The following FARS2 variants were observed in gnomAD, a reference collection of about 807,000 sequenced individuals.
FARS2 encodes the protein phenylalanyl-tRNA synthetase 2, mitochondrial.
A neutral mutation model predicts 46.4 loss-of-function variants in FARS2; 40 were observed. That is an observed-to-expected ratio of 0.86 (90% CI 0.67 to 1.12). The LOEUF (loss-of-function observed/expected upper bound fraction) is 1.12, where lower values mean the gene tolerates loss of function less well. Ranked by LOEUF, FARS2 falls within the 50% of genes most tolerant of loss-of-function variation. The pLI is 0.00. For missense variants in FARS2, 513 were observed against 567.9 expected (o/e 0.90, Z 0.98); for synonymous variants, 234 against 214.9 (o/e 1.09, Z -0.78).
At chr6:5,352,950 G>A (rs754995763) in intron 1 of FARS2, among the ~76,000 whole-genome samples, 6 of 152,178 alleles carry the variant, frequency 3.9e-5, no homozygotes, top group Non-Finnish European at 8.8e-5. Context: ...TAGATATTTT[G>A]AAATTATATC....
chr6:5,618,864 G>T (rs1185805199), intron 6 of FARS2, among the ~76,000 whole-genome samples: 1 of 152,178 alleles, frequency 6.6e-6, no homozygotes, highest in Non-Finnish European at 1.5e-5. Flanking sequence ...TTGGAATATG[G>T]TACTATATGA....
intron 1 of FARS2, among the ~76,000 whole-genome samples, chr6:5,274,697 G>T (rs1026525397): frequency 6.6e-6 from 1 of 152,038 alleles, no homozygotes; most frequent in Admixed American, 6.6e-5. Context: ...TAGTCTTTCT[G>T]TTTTATGCAG....
At chr6:5,454,333 T>C (rs1419289999) in intron 4 of FARS2, among the ~76,000 whole-genome samples, 1 of 152,068 alleles carries the variant, frequency 6.6e-6, no homozygotes, top group Non-Finnish European at 1.5e-5. Flanking sequence ...CACTTGTTTT[T>C]TTAAAATTTA....
At chr6:5,373,048 T>A (rs1759155237) in intron 2 of FARS2, among the ~76,000 whole-genome samples, 1 of 152,072 alleles carries the variant, frequency 6.6e-6, no homozygotes, top group South Asian at 2.1e-4. Context: ...AGGTGACAAG[T>A]TCTCCCTAAA....
chr6:5,286,322 G>A (rs1267896956), intron 1 of FARS2, among the ~76,000 whole-genome samples: 1 of 152,146 alleles, frequency 6.6e-6, no homozygotes. Flanking sequence ...GAGTGCAGGG[G>A]TGTGATCTTG....
intron 4 of FARS2, among the ~76,000 whole-genome samples, chr6:5,498,441 G>A (rs1164330217): frequency 6.6e-6 from 1 of 152,180 alleles, no homozygotes; most frequent in Admixed American, 6.5e-5. Flanking sequence ...GTCTGATGGA[G>A]CTTATTTTAC....
chr6:5,541,125 T>A (rs1204491857), intron 4 of FARS2, among the ~76,000 whole-genome samples: 1 of 152,208 alleles, frequency 6.6e-6, no homozygotes, highest in Non-Finnish European at 1.5e-5. Flanking sequence ...AATATATATG[T>A]AAGCTATATT....
intron 1 of FARS2, among the ~76,000 whole-genome samples, chr6:5,300,053 T>C (rs1043548796): frequency 3.9e-5 from 6 of 152,236 alleles, no homozygotes; most frequent in African/African-American, 1.4e-4. Context: ...AAAAATGTTT[T>C]CATTTTTTGT....
intron 4 of FARS2, among the ~76,000 whole-genome samples, chr6:5,460,286 C>T (rs1765171247): frequency 6.6e-6 from 1 of 152,122 alleles, no homozygotes; most frequent in Admixed American, 6.5e-5. Flanking sequence ...GATGTCTGTC[C>T]CAGAGCCTCT....
At chr6:5,275,697 A>G (rs1009934907) in intron 1 of FARS2, among the ~76,000 whole-genome samples, 8 of 152,212 alleles carry the variant, frequency 5.3e-5, no homozygotes, top group Middle Eastern at 3.4e-3. Context: ...TGTTTGGATT[A>G]TATTGCTCCC....
At chr6:5,327,549 T>A (rs1221881389) in intron 1 of FARS2, among the ~76,000 whole-genome samples, 2 of 152,172 alleles carry the variant, frequency 1.3e-5, no homozygotes, top group Non-Finnish European at 2.9e-5. Context: ...CTGCACACAC[T>A]CTCTTGCCTG....
chr6:5,508,568 C>A (rs1381796677), intron 4 of FARS2, among the ~76,000 whole-genome samples: 1 of 152,112 alleles, frequency 6.6e-6, no homozygotes, highest in Non-Finnish European at 1.5e-5. Flanking sequence ...TGAAGCCCTC[C>A]CAGCAGTGGA....
intron 5 of FARS2, among the ~76,000 whole-genome samples, chr6:5,589,518 C>T (rs547071804): frequency 1.3e-5 from 2 of 152,346 alleles, no homozygotes; most frequent in South Asian, 2.1e-4. Context: ...CCTGCAGCTT[C>T]GCTTTGGCAG....
At chr6:5,660,312 T>G (rs2150779251) in intron 6 of FARS2, among the ~76,000 whole-genome samples, 1 of 152,114 alleles carries the variant, frequency 6.6e-6, no homozygotes, top group East Asian at 1.9e-4. Context: ...TAGATGTGAG[T>G]GACAGCTGAA....
intron 5 of FARS2, among the ~76,000 whole-genome samples, chr6:5,547,477 G>T (rs1771106275): frequency 6.6e-6 from 1 of 151,854 alleles, no homozygotes; most frequent in Non-Finnish European, 1.5e-5. Flanking sequence ...CTGCTAAGGT[G>T]ACTAGGCCAG....
chr6:5,431,437 G>A (rs1482897845), intron 4 of FARS2, among the ~76,000 whole-genome samples: 1 of 152,128 alleles, frequency 6.6e-6, no homozygotes, highest in African/African-American at 2.4e-5. Flanking sequence ...TTGTGATTTC[G>A]TATTTGTTGA....
chr6:5,523,864 C>T (rs1297781262), intron 4 of FARS2, among the ~76,000 whole-genome samples: 1 of 152,218 alleles, frequency 6.6e-6, no homozygotes, highest in Non-Finnish European at 1.5e-5. Flanking sequence ...GCAAAGTTCT[C>T]CACGTGGCTT....
At chr6:5,703,664 G>T (rs1443958875) in intron 6 of FARS2, among the ~76,000 whole-genome samples, 1 of 151,950 alleles carries the variant, frequency 6.6e-6, no homozygotes, top group African/African-American at 2.4e-5. Context: ...TTGGGAAAAC[G>T]CCCTCTCAAC....
intron 3 of FARS2, among the ~76,000 whole-genome samples, chr6:5,411,564 G>T (rs1761943689): frequency 6.6e-6 from 1 of 152,126 alleles, no homozygotes; most frequent in Non-Finnish European, 1.5e-5. Context: ...TGTTTTTATG[G>T]TCCAGGCTTT....
Sources: allele counts gnomAD v4.1 joint callset (sites outside exome capture counted in the v4.1 genomes callset), GRCh38; gene constraint gnomAD v4.1.1; transcripts MANE v1.5; gene names NCBI Gene and HGNC (gene_info 2026-07-23, HGNC 2026-07-21).